Variants in DOP1A observed in about 807,000 individuals in gnomAD.
The protein encoded by DOP1A is protein DOP1A.
DOP1A carries 90 observed loss-of-function variants against 267.6 expected under a neutral mutation model. The ratio of observed to expected loss-of-function variants is 0.34; its 90% confidence interval spans 0.28 to 0.40. The LOEUF (loss-of-function observed/expected upper bound fraction) is 0.40, where lower values mean the gene tolerates loss of function less well. Ranked by LOEUF, DOP1A falls within the 10% of genes least tolerant of loss-of-function variation. The pLI, the probability that DOP1A is intolerant of heterozygous loss-of-function variation, is 1.00. For missense variants in DOP1A, 2,437 were observed against 2,900.4 expected (o/e 0.84, Z 3.67); for synonymous variants, 932 against 999.1 (o/e 0.93, Z 1.27).
chr6:83,104,848 T>C (rs760141510), intron 4 of DOP1A, among the ~76,000 whole-genome samples: 3 of 152,128 alleles, frequency 2.0e-5, no homozygotes, highest in Non-Finnish European at 4.4e-5. Context: ...TTTTTTTTAA[T>C]TGATCAGTCT....
chr6:83,069,087 A>C (rs1203462076), intron 1 of DOP1A, among the ~76,000 whole-genome samples: 1 of 152,220 alleles, frequency 6.6e-6, no homozygotes. Context: ...AGTTAAAGTA[A>C]AGGAGTGAGC....
At chr6:83,088,119 C>T (rs575134803) in intron 1 of DOP1A, among the ~76,000 whole-genome samples, 4 of 152,118 alleles carry the variant, frequency 2.6e-5, no homozygotes, top group South Asian at 2.1e-4. Context: ...TGATCTACCC[C>T]TCTCGGTCTC....
intron 13 of DOP1A, 78 bp downstream of exon 13, chr6:83,124,897 C>G (rs1000688823): frequency 1.8e-6 from 2 of 1,139,380 alleles, no homozygotes; most frequent in Non-Finnish European, 2.6e-6. Flanking sequence ...GGCAAGCCTT[C>G]AGATACATTT....
chr6:83,114,711 G>A (rs981961731), intron 7 of DOP1A, among the ~76,000 whole-genome samples: 2 of 152,018 alleles, frequency 1.3e-5, no homozygotes, highest in Non-Finnish European at 2.9e-5. Flanking sequence ...ATATATCAGC[G>A]TTTCCTAAGC....
At chr6:83,072,438 G>A (rs1030688688) in intron 1 of DOP1A, among the ~76,000 whole-genome samples, 2 of 152,126 alleles carry the variant, frequency 1.3e-5, no homozygotes, top group Non-Finnish European at 2.9e-5. Flanking sequence ...AGTCCAGGGT[G>A]GAGTGAGATT....
chr6:83,143,111 C>T (rs1779917097), intron 24 of DOP1A, among the ~76,000 whole-genome samples: 1 of 152,124 alleles, frequency 6.6e-6, no homozygotes, highest in African/African-American at 2.4e-5. Context: ...CAGTAAAGAA[C>T]ATTTGATTTA....
intron 30 of DOP1A, 35 bp downstream of exon 30, chr6:83,152,402 T>G: frequency 1.0e-6 from 1 of 989,202 alleles, no homozygotes; most frequent in Admixed American, 2.8e-5. Flanking sequence ...AACTCTCAAG[T>G]AGACTGTTTC....
In DOP1A at chr6:83,129,073, T is replaced by C. The variant is rs752092587; in HGVS notation, c.1906T>C (p.Ser636Pro). ...TGCCATCCCAATTGGTAGCACATCC[T>C]CTGAGACAGAAACAGCATCCACTGT... ...AAAIPIGSTS[S>P]ETETASTVGS... is the part of the protein sequence containing the mutation. Residue 636 changes from serine to proline, a missense_variant, in exon 16 of 39, where the codon TCT (serine) becomes CCT (proline). Transcript: ENST00000349129. 3 of 1,614,034 alleles carry C rather than the reference T, an allele frequency of 1.9e-6. No individual in the cohort carries two copies. Among genetic ancestry groups the C allele is most frequent in the Non-Finnish European group, 2.5e-6 (3 of 1,179,962 alleles).
intron 10 of DOP1A, among the ~76,000 whole-genome samples, 183 bp downstream of exon 10, chr6:83,120,974 T>C (rs1292333213): frequency 6.6e-6 from 1 of 151,928 alleles, no homozygotes; most frequent in African/African-American, 2.4e-5. Context: ...TGATACGTTA[T>C]TATGTATCTG....
At position 83,112,397 on chromosome 6, in the gene DOP1A, C is replaced by T. The variant is rs868614875; in HGVS notation, c.682-926C>T. Among the ~76,000 whole-genome samples, 6 of 151,966 alleles carry T rather than the reference C, an allele frequency of 3.9e-5. No homozygotes were observed. The South Asian group carries it at 1.0e-3, about 26-fold the overall frequency. ...ATATATATATATAAAGCTAAGCAAG[C>T]ATGTGGAGAAACAAACTGTCATGTA... On this transcript the variant is annotated intron_variant, in intron 6 of 38. Transcript: ENST00000349129.
intron 37 of DOP1A, 68 bp from the exon 38 acceptor site, chr6:83,162,722 T>C (rs1234331422): frequency 6.6e-7 from 1 of 1,507,466 alleles, no homozygotes; most frequent in Non-Finnish European, 8.9e-7. Flanking sequence ...TCTACTACAT[T>C]ATGTGGCCTA....
chr6:83,135,951 A>C, intron 20 of DOP1A, 73 bp downstream of exon 20: 1 of 1,516,168 alleles, frequency 6.6e-7, no homozygotes, highest in Non-Finnish European at 8.9e-7. Flanking sequence ...TACAACAGTA[A>C]TTGTTGAAAG....
At chr6:83,142,727 T>A (rs2128286244) in intron 24 of DOP1A, among the ~76,000 whole-genome samples, 1 of 152,202 alleles carries the variant, frequency 6.6e-6, no homozygotes, top group South Asian at 2.1e-4. Context: ...TTCAAAGAGT[T>A]CTTGTTTCTA....
At chr6:83,168,977 G>C, downstream of DOP1A, 1 of 1,239,814 alleles carries the variant, frequency 8.1e-7, no homozygotes. Context: ...TACAGTTAGT[G>C]ACTGAATTGT....
Position 83,158,549 on chromosome 6 carries a change from A to T in DOP1A, c.6742-18A>T. Reference sequence around the variant, plus strand: ...AATATCCAGTTTAAATAAACATTTAACATTTCACCATTTTCAGGTACAAGT... The same window carrying T: ...AATATCCAGTTTAAATAAACATTTATCATTTCACCATTTTCAGGTACAAGT... On this transcript the variant is annotated intron_variant, in intron 35 of 38. Transcript: ENST00000349129. 6.3e-7 allele frequency: 1 copy of T among 1,579,596 alleles called. No individual in the cohort carries two copies. The highest frequency in any genetic ancestry group is 8.7e-7 in the Non-Finnish European group (1 of 1,153,230).
At chr6:83,077,188 C>T (rs1426242425) in intron 1 of DOP1A, among the ~76,000 whole-genome samples, 1 of 152,186 alleles carries the variant, frequency 6.6e-6, no homozygotes, top group Non-Finnish European at 1.5e-5. Flanking sequence ...CACTACTGAA[C>T]TGTACACTCA....
intron 23 of DOP1A, 23 bp from the exon 24 acceptor site, chr6:83,141,898 T>G: frequency 6.3e-7 from 1 of 1,574,966 alleles, no homozygotes; most frequent in African/African-American, 1.4e-5. Context: ...AGTTTCACTT[T>G]CATTTGCTTC....
At chr6:83,125,116 C>T (rs1397653114) in intron 13 of DOP1A, 50 bp from the exon 14 acceptor site, 1 of 1,527,970 alleles carries the variant, frequency 6.5e-7, no homozygotes, top group Non-Finnish European at 8.9e-7. Context: ...TTTTGGAAAT[C>T]TTTTCCCTTC....
intron 37 of DOP1A, among the ~76,000 whole-genome samples, chr6:83,160,258 G>A (rs1262442115): frequency 6.6e-6 from 1 of 152,192 alleles, no homozygotes; most frequent in Non-Finnish European, 1.5e-5. Context: ...TCATGCACAA[G>A]ACACACTGAG....
Sources: allele counts gnomAD v4.1 joint callset (sites outside exome capture counted in the v4.1 genomes callset), GRCh38; gene constraint gnomAD v4.1.1; transcripts MANE v1.5; gene names NCBI Gene and HGNC (gene_info 2026-07-23, HGNC 2026-07-21).